GALNT10: variants seen among roughly 807,000 people sequenced by gnomAD.
GALNT10 encodes the protein GalNAc transferase 10.
In GALNT10, 41 loss-of-function variants were observed where a neutral mutation model predicts 75.0. The ratio of observed to expected loss-of-function variants is 0.55; its 90% CI spans 0.43 to 0.71. The LOEUF (loss-of-function observed/expected upper bound fraction) is 0.71, where lower values mean the gene tolerates loss of function less well. Ranked by LOEUF, GALNT10 falls within the 30% of genes least tolerant of loss-of-function variation. GALNT10 has a pLI of 0.00. For synonymous variants in GALNT10, 302 were observed against 313.0 expected (o/e 0.96, Z 0.37); for missense variants, 727 against 818.5 (o/e 0.89, Z 1.36).
At chr5:154,235,116 G>A (rs1325020522) in intron 1 of GALNT10, among the ~76,000 whole-genome samples, 1 of 152,212 alleles carries the variant, frequency 6.6e-6, no homozygotes, top group Admixed American at 6.5e-5. Flanking sequence ...CAAGGAACCT[G>A]GAGACATTTC....
chr5:154,240,836 G>A lies in GALNT10; in HGVS notation c.159+49811G>A, dbSNP rs1252967833. ...GGAGCAGAGTTAGACCTGGGGTTGAGGCCCTCTCAGACGCTTCCTGGCTGT... is the reference window on the plus strand; with the variant it reads ...GGAGCAGAGTTAGACCTGGGGTTGAAGCCCTCTCAGACGCTTCCTGGCTGT... On this transcript the variant is annotated intron_variant, in intron 1 of 11. Coordinates refer to ENST00000297107, the MANE Select transcript of GALNT10 (RefSeq NM_198321.4). Among the ~76,000 whole-genome samples the A allele has an allele frequency of 2.0e-5, 3 of 152,284 alleles. No individual in the cohort carries two copies. The East Asian group carries it at 5.8e-4, about 29-fold the overall frequency.
intron 6 of GALNT10, 86 bp from the exon 7 acceptor site, chr5:154,386,227 C>T (rs531478199): frequency 4.1e-5 from 39 of 950,804 alleles, no homozygotes; most frequent in Admixed American, 1.0e-4. Context: ...GGAACACCGC[C>T]GCTGGGGGAA....
chr5:154,393,458 G>A (rs934542157), intron 7 of GALNT10, among the ~76,000 whole-genome samples: 2 of 152,104 alleles, frequency 1.3e-5, no homozygotes, highest in Admixed American at 6.6e-5. Flanking sequence ...AAGTACAGCC[G>A]TCTCTTTCTA....
intron 3 of GALNT10, among the ~76,000 whole-genome samples, chr5:154,321,100 C>T (rs1754665381): frequency 6.6e-6 from 1 of 152,172 alleles, no homozygotes; most frequent in Non-Finnish European, 1.5e-5. Flanking sequence ...CCCATCATGT[C>T]CATAATTAGC....
rs114215878 is a variant in GALNT10 at position 154,337,568 on chromosome 5, G to A, written c.568+7830G>A. On this transcript the variant is annotated intron_variant, in intron 4 of 11. Transcript: ENST00000297107. ...AGTATTGGCCTCCATCACCATAGAGGCCAGAGCTTCTGCCTCTAAAGTTTC... is the reference window on the plus strand; with the variant it reads ...AGTATTGGCCTCCATCACCATAGAGACCAGAGCTTCTGCCTCTAAAGTTTC... 5.2e-3 allele frequency: 4,041 copies of A among 773,056 alleles called. 66 individuals carry two copies. The highest frequency in any genetic ancestry group is 0.043 in the African/African-American group (2,575 of 59,322). 47.9% of individuals were successfully genotyped at this position (773,056 alleles called of 1,614,324 possible). A position where few individuals can be genotyped will look rare whatever the true frequency, so the allele number is the denominator to read the frequency against.
chr5:154,329,759 C>A, intron 4 of GALNT10, 21 bp downstream of exon 4: 2 of 1,579,622 alleles, frequency 1.3e-6, no homozygotes, highest in African/African-American at 1.3e-5. Flanking sequence ...TCCCACCCAG[C>A]CTCCCACCCT....
At chr5:154,307,574 C>T (rs1410761176) in intron 3 of GALNT10, among the ~76,000 whole-genome samples, 2 of 150,296 alleles carry the variant, frequency 1.3e-5, no homozygotes, top group African/African-American at 2.5e-5. Flanking sequence ...GAGTCGAGAT[C>T]GCACCACTGC....
At chr5:154,214,859 A>G (rs1752841948) in intron 1 of GALNT10, among the ~76,000 whole-genome samples, 1 of 152,222 alleles carries the variant, frequency 6.6e-6, no homozygotes, top group Non-Finnish European at 1.5e-5. Flanking sequence ...ACTGCTTTCC[A>G]ACTGCCTAAC....
At chr5:154,308,856 ATC>A (rs562872165) in intron 3 of GALNT10, among the ~76,000 whole-genome samples, 274 of 152,326 alleles carry the variant, frequency 1.8e-3, no homozygotes, top group African/African-American at 6.3e-3. Context: ...TTCAGCAAAT[ATC>A]TATTGAGTGT....
intron 1 of GALNT10, among the ~76,000 whole-genome samples, chr5:154,237,284 T>C (rs1399090317): frequency 6.6e-6 from 1 of 152,220 alleles, no homozygotes; most frequent in African/African-American, 2.4e-5. Flanking sequence ...CCATTGAATC[T>C]CTTGATTTCA....
chr5:154,306,388 C>T (rs1027437854), intron 3 of GALNT10, among the ~76,000 whole-genome samples: 5 of 152,024 alleles, frequency 3.3e-5, no homozygotes, highest in African/African-American at 1.2e-4. Context: ...TTTAAACTTT[C>T]CAAACGATTA....
At chr5:154,201,488 G>A (rs984825323) in intron 1 of GALNT10, among the ~76,000 whole-genome samples, 1 of 152,210 alleles carries the variant, frequency 6.6e-6, no homozygotes, top group African/African-American at 2.4e-5. Flanking sequence ...GATGATTCTT[G>A]CTCTATCTCA....
intron 1 of GALNT10, among the ~76,000 whole-genome samples, chr5:154,231,453 A>G (rs993126020): frequency 9.9e-5 from 15 of 152,122 alleles, no homozygotes; most frequent in African/African-American, 3.1e-4. Context: ...GACAACCTCA[A>G]GTTTTCCTGA....
intron 7 of GALNT10, chr5:154,387,862 G>A (rs1169887429): frequency 1.3e-5 from 2 of 149,626 alleles, no homozygotes; most frequent in Non-Finnish European, 3.0e-5. Flanking sequence ...ATGTTATTTA[G>A]GTTTGAAAAG....
At chr5:154,287,422 C>A (rs1166007622) in intron 1 of GALNT10, 11 of 152,136 alleles carry the variant, frequency 7.2e-5, no homozygotes, top group Admixed American at 3.3e-4. Flanking sequence ...CCAACCCCCA[C>A]CCCTCAACTG....
rs531199379 is a variant in GALNT10, at chr5:154,409,300, G to A, written c.1165-241G>A. 31 of 558,836 alleles carry A rather than the reference G, an allele frequency of 5.5e-5. 1 individual carries two copies. The South Asian group carries it at 5.8e-4, about 10-fold the overall frequency. 34.6% of individuals were successfully genotyped at this position (558,836 alleles called of 1,614,324 possible). A position where few individuals can be genotyped will look rare whatever the true frequency, so the allele number is the denominator to read the frequency against. ...GGGGGCTATCGCTAGAAGAAGATGG[G>A]ATGGAAGATGGGCAGGCAAAACAAC... is the stretch of plus-strand genomic sequence containing the variant. On this transcript the variant is annotated intron_variant, in intron 8 of 11. Coordinates refer to ENST00000297107, the MANE Select transcript of GALNT10 (RefSeq NM_198321.4). The surrounding 1 kb of genome is among the most constrained non-coding windows in gnomAD (Gnocchi z 4.5).
At chr5:154,303,162 C>T (rs771151680) in intron 3 of GALNT10, among the ~76,000 whole-genome samples, 3 of 152,138 alleles carry the variant, frequency 2.0e-5, no homozygotes, top group Non-Finnish European at 4.4e-5. Context: ...TTTTAAGACA[C>T]TGGACATCAG....
chr5:154,212,981 A>C (rs2113649578), intron 1 of GALNT10, among the ~76,000 whole-genome samples: 1 of 150,928 alleles, frequency 6.6e-6, no homozygotes, highest in East Asian at 2.0e-4. Flanking sequence ...AAAAAAAAAA[A>C]AAGATCACAG....
chr5:154,396,477 A>G (rs1184752768), intron 7 of GALNT10, among the ~76,000 whole-genome samples: 1 of 120,314 alleles, frequency 8.3e-6, no homozygotes, highest in Non-Finnish European at 1.6e-5. Flanking sequence ...GAGGAAGACC[A>G]TGATAGGGTG....
Sources: allele counts gnomAD v4.1 joint callset (sites outside exome capture counted in the v4.1 genomes callset), GRCh38; gene constraint gnomAD v4.1.1; non-coding constraint Gnocchi (gnomAD v3.1); transcripts MANE v1.5; gene names NCBI Gene and HGNC (gene_info 2026-07-23, HGNC 2026-07-21).